Variants in STAG3 observed in about 807,000 individuals in gnomAD.
STAG3 encodes the protein STAG3 cohesin complex component, also known as cohesin subunit SA-3.
Under a neutral mutation model 160.7 loss-of-function variants are expected in STAG3, and 101 were observed. That is an observed-to-expected ratio of 0.63 (90% CI 0.54 to 0.74). The LOEUF (loss-of-function observed/expected upper bound fraction) is 0.74. Ranked by LOEUF, STAG3 falls within the 30% of genes least tolerant of loss-of-function variation. STAG3 has a pLI of 0.00. For missense variants in STAG3, 1,188 were observed against 1,517.4 expected, an observed-to-expected ratio of 0.78 and a Z score of 3.61; for synonymous variants, 519 against 585.0, an observed-to-expected ratio of 0.89 and a Z score of 1.63.
intron 4 of STAG3, among the ~76,000 whole-genome samples, chr7:100,184,463 GT>G (rs1554403741): frequency 8.3e-4 from 82 of 98,586 alleles, no homozygotes; most frequent in Non-Finnish European, 1.0e-3. Context: ...CAGCGTGTTA[GT>G]TTTTTTTTTT....
At chr7:100,190,664 A>G (rs1800294245) in intron 8 of STAG3, among the ~76,000 whole-genome samples, 2 of 152,128 alleles carry the variant, frequency 1.3e-5, no homozygotes, top group South Asian at 2.1e-4. Flanking sequence ...TTATAAATGT[A>G]TATAGGCTCT....
chr7:100,204,642 C>T lies in STAG3; in HGVS notation c.2818C>T (p.Leu940=), dbSNP rs780087481. The change falls in exon 27 of 34, where the codon CTG becomes TTG. Residue 940 remains leucine (L), a synonymous_variant. Transcript: ENST00000615138. ...LSLKQLYTEL[L]QEHGPQGLNE... ...CTGGACACAGCTGTACACAGAACTG[C>T]TGCAGGAGCATGGGCCCCAGGGCCT... 11 of 1,614,150 alleles carry T rather than the reference C, an allele frequency of 6.8e-6. No homozygotes were observed. Among genetic ancestry groups the T allele is most frequent in the Non-Finnish European group, 9.3e-6 (11 of 1,180,022 alleles).
In STAG3 at chr7:100,180,673, G is replaced by C; in HGVS notation, c.116+1G>C. ...GGGACTCAAACCATACCTCAGAGGG[G>C]TAAGTAGATGTTGCATTGTGTGGCC... On this transcript the variant is annotated splice_donor_variant, in intron 2 of 33. Coordinates refer to ENST00000615138, the MANE Select transcript of STAG3 (RefSeq NM_001282717.2). LOFTEE classifies it high-confidence loss of function. 6.4e-7 allele frequency: 1 copy of C among 1,561,900 alleles called. No individual in the cohort carries two copies. The highest frequency in any genetic ancestry group is 2.2e-5 in the East Asian group (1 of 44,716).
chr7:100,214,426 C>T (rs1326595680), downstream of STAG3: 3 of 239,788 alleles, frequency 1.3e-5, no homozygotes, highest in Non-Finnish European at 2.5e-5. Flanking sequence ...TGATGGAGGT[C>T]AGGTTCTTGG....
chr7:100,203,625 C>T (rs1024440908), intron 25 of STAG3, among the ~76,000 whole-genome samples: 4 of 152,126 alleles, frequency 2.6e-5, no homozygotes, highest in Admixed American at 2.6e-4. Context: ...CGCCATTCTC[C>T]TGCCTCAGCC....
intron 32 of STAG3, chr7:100,212,139 C>T (rs1802280971): frequency 2.8e-6 from 1 of 355,718 alleles, no homozygotes; most frequent in South Asian, 3.6e-5. Flanking sequence ...ATATTGTTGC[C>T]TCCGAACCCC....
At chr7:100,218,012 GGGAAAGGGA>G (rs1802917335), downstream of STAG3, among the ~76,000 whole-genome samples, 3 of 149,612 alleles carry the variant, frequency 2.0e-5, no homozygotes, top group Admixed American at 6.8e-5. Flanking sequence ...AACTCCCCCA[GGGAAAGGGA>G]GTCTCCCTTT....
chr7:100,195,782 C>T (rs1009587544), intron 9 of STAG3, among the ~76,000 whole-genome samples: 4 of 152,102 alleles, frequency 2.6e-5, no homozygotes, highest in Non-Finnish European at 5.9e-5. Context: ...TCTCACTGTG[C>T]GAAGGGCAGG....
rs182884666 is a variant in STAG3 at position 100,207,233 on chromosome 7, C to A, written c.3238+1849C>A. Among the ~76,000 whole-genome samples the A allele has an allele frequency of 4.5e-3, 683 of 152,218 alleles. 3 individuals are homozygous for A. The highest frequency in any genetic ancestry group is 5.7e-3 in the Non-Finnish European group (386 of 68,018). On this transcript the variant is annotated intron_variant, in intron 29 of 33. Coordinates refer to ENST00000615138, the MANE Select transcript of STAG3 (RefSeq NM_001282717.2). The surrounding 1 kb of genome is among the most constrained non-coding windows in gnomAD (Gnocchi z 4.0). ...TCTTTTCAGTTATCTTGAGATATAC[C>A]TGGGAGTGGAATTGCTGGTTCGTAT...
At chr7:100,181,307 G>A (rs1259565480) in intron 2 of STAG3, 1 of 152,100 alleles carries the variant, frequency 6.6e-6, no homozygotes, top group South Asian at 2.1e-4. Context: ...TTATCCCCTG[G>A]CTGTTTTAAT....
intron 2 of STAG3, 200 bp downstream of exon 2, chr7:100,180,872 T>C (rs1799603965): frequency 2.5e-6 from 1 of 395,660 alleles, no homozygotes; most frequent in Non-Finnish European, 4.6e-6. Context: ...AAAATAGTAG[T>C]ACATCCTGTT....
chr7:100,199,059 G>A, intron 14 of STAG3, 102 bp downstream of exon 14: 1 of 1,123,162 alleles, frequency 8.9e-7, no homozygotes, highest in Non-Finnish European at 1.3e-6. Context: ...GGAGGCTGAG[G>A]TGGGAGGATC....
intron 4 of STAG3, among the ~76,000 whole-genome samples, chr7:100,185,799 G>A (rs1300129083): frequency 1.3e-5 from 2 of 151,994 alleles, no homozygotes; most frequent in Non-Finnish European, 2.9e-5. Context: ...TATCTGCCCG[G>A]TAGGTTTAGT....
Position 100,204,095 on chromosome 7 carries a change from C to T in STAG3, c.2775C>T (p.Ser925=). The T allele has an allele frequency of 6.2e-7, 1 of 1,614,114 alleles. No homozygotes were observed. The highest frequency in any genetic ancestry group is 8.5e-7 in the Non-Finnish European group (1 of 1,180,016). ...RARQIDRSHC[S]RILLLSLKQL... is the part of the protein sequence containing the mutation. The stretch of plus-strand genomic sequence containing the variant: ...GGCAGATTGACCGAAGTCATTGTTC[C>T]CGAATCCTGCTGCTGAGCCTCAAGC... Residue 925 remains serine, a synonymous_variant, in exon 26 of 34, where the codon TCC becomes TCT. Coordinates refer to ENST00000615138, the MANE Select transcript of STAG3 (RefSeq NM_001282717.2).
downstream of STAG3, among the ~76,000 whole-genome samples, chr7:100,217,559 C>T (rs1727137): frequency 5.9e-5 from 9 of 152,040 alleles, no homozygotes; most frequent in East Asian, 1.9e-4. Context: ...CAGCTGGGCC[C>T]GGGGGACCAC....
At chr7:100,183,985 G>A (rs1287155290) in intron 4 of STAG3, among the ~76,000 whole-genome samples, 2 of 152,174 alleles carry the variant, frequency 1.3e-5, no homozygotes, top group Non-Finnish European at 1.5e-5. Context: ...TTATGTAGGG[G>A]CCGGGCACAG....
At position 100,200,482 on chromosome 7, in the gene STAG3, C is replaced by G; in HGVS notation, c.1800C>G (p.Pro600=). 6.2e-7 allele frequency: 1 copy of G among 1,614,146 alleles called. No individual in the cohort carries two copies. The highest frequency in any genetic ancestry group is 1.1e-5 in the South Asian group (1 of 91,078). Residue 600 remains proline (P), a synonymous_variant, in exon 18 of 34, where the codon CCC becomes CCG. Transcript: ENST00000615138. ...CAGCTGATGCAGAGAAGGTCACTCC[C>G]CTGCTCCAGCTTCTCAGCTGCTTTG... ...KFSADAEKVT[P]LLQLLSCFDL...
At chr7:100,199,041 G>A in intron 14 of STAG3, 84 bp downstream of exon 14, 2 of 1,289,886 alleles carry the variant, frequency 1.6e-6, no homozygotes, top group Non-Finnish European at 2.2e-6. Context: ...TGTAAGCCCA[G>A]CACTTTGGGA....
chr7:100,178,219 A>G (rs1799400000), intron 1 of STAG3, among the ~76,000 whole-genome samples: 1 of 152,172 alleles, frequency 6.6e-6, no homozygotes. Context: ...AAGCGCTTGG[A>G]AGGCTCTTTA....
Sources: allele counts gnomAD v4.1 joint callset (sites outside exome capture counted in the v4.1 genomes callset), GRCh38; gene constraint gnomAD v4.1.1; non-coding constraint Gnocchi (gnomAD v3.1); transcripts MANE v1.5; gene names NCBI Gene and HGNC (gene_info 2026-07-23, HGNC 2026-07-21).